The following RBPJ variants were observed in gnomAD, a reference collection of about 807,000 sequenced individuals.
RBPJ encodes recombination signal binding protein for immunoglobulin kappa J region, also known as recombining binding protein suppressor of hairless.
RBPJ carries 9 observed loss-of-function variants against 67.8 expected under a neutral mutation model. The ratio of observed to expected loss-of-function variants is 0.13; its 90% confidence interval spans 0.08 to 0.23. RBPJ has a LOEUF of 0.23. Ranked by LOEUF, RBPJ falls within the 10% of genes least tolerant of loss-of-function variation. RBPJ has a pLI of 1.00. For missense variants in RBPJ, 305 were observed against 595.6 expected, an observed-to-expected ratio of 0.51 and a Z score of 5.08; for synonymous variants, 198 against 203.3, an observed-to-expected ratio of 0.97 and a Z score of 0.22.
At chr4:26,348,774 G>GCT (rs1457013523) in intron 1 of RBPJ, among the ~76,000 whole-genome samples, 1 of 151,898 alleles carries the variant, frequency 6.6e-6, no homozygotes, top group Non-Finnish European at 1.5e-5. Flanking sequence ...CGTGATCATA[G>GCT]CTCACTGCAG....
At chr4:26,325,872 C>T (rs1723577266) in intron 1 of RBPJ, among the ~76,000 whole-genome samples, 1 of 152,166 alleles carries the variant, frequency 6.6e-6, no homozygotes. Context: ...ACCAGATCTA[C>T]CAGACTACAG....
intron 1 of RBPJ, among the ~76,000 whole-genome samples, chr4:26,287,585 A>G (rs745971294): frequency 0.025 from 400 of 15,944 alleles, 43 homozygotes; most frequent in African/African-American, 0.028. Context: ...AAAGGACAGG[A>G]GAGGAGAGGG....
intron 1 of RBPJ, among the ~76,000 whole-genome samples, chr4:26,194,991 C>T (rs17700057): frequency 0.059 from 9,038 of 152,298 alleles, 393 homozygotes; most frequent in South Asian, 0.19. Flanking sequence ...GCTGTCTTTT[C>T]AGGTTTATAC....
chr4:26,181,817 G>A (rs115445891), intron 1 of RBPJ, among the ~76,000 whole-genome samples: 1 of 152,168 alleles, frequency 6.6e-6, no homozygotes, highest in Non-Finnish European at 1.5e-5. Flanking sequence ...CTTGCATAGG[G>A]CACTTACCGG....
intron 1 of RBPJ, among the ~76,000 whole-genome samples, chr4:26,222,284 A>G (rs1190389110): frequency 6.6e-6 from 1 of 152,170 alleles, no homozygotes; most frequent in East Asian, 1.9e-4. Flanking sequence ...ACCTGAGGTC[A>G]GGAGTTCGAG....
At chr4:26,392,418 C>A (rs1731599356) in intron 2 of RBPJ, among the ~76,000 whole-genome samples, 1 of 152,126 alleles carries the variant, frequency 6.6e-6, no homozygotes, top group African/African-American at 2.4e-5. Context: ...CCCCAATATC[C>A]AGCAACAGGT....
At chr4:26,144,724 T>C in the RBPJ span, among the ~76,000 whole-genome samples, 2 of 152,210 alleles carry the variant, frequency 1.3e-5, no homozygotes, top group Non-Finnish European at 2.9e-5. Context: ...CCTCAAGATT[T>C]GTAATATGTT....
the RBPJ span, among the ~76,000 whole-genome samples, chr4:26,145,972 C>T: frequency 1.3e-5 from 2 of 152,174 alleles, no homozygotes; most frequent in African/African-American, 2.4e-5. Context: ...GGATCTCACT[C>T]TGCCACCCAG....
intron 1 of RBPJ, among the ~76,000 whole-genome samples, chr4:26,171,634 C>G (rs916180482): frequency 2.0e-5 from 3 of 152,154 alleles, no homozygotes; most frequent in African/African-American, 7.2e-5. Context: ...CACATTTGAA[C>G]AGGCTTACGA....
chr4:26,189,297 A>G (rs998045404), intron 1 of RBPJ, among the ~76,000 whole-genome samples: 1 of 152,226 alleles, frequency 6.6e-6, no homozygotes, highest in Non-Finnish European at 1.5e-5. Flanking sequence ...TTAATGGAAA[A>G]CAAACTACAT....
At chr4:26,111,558 TA>T in the RBPJ span, among the ~76,000 whole-genome samples, 6 of 152,178 alleles carry the variant, frequency 3.9e-5, no homozygotes, top group African/African-American at 1.4e-4. Context: ...AAAAAAACTC[TA>T]CGATATGCAT....
chr4:26,203,145 C>T (rs116610945), intron 1 of RBPJ, among the ~76,000 whole-genome samples: 4 of 152,276 alleles, frequency 2.6e-5, no homozygotes, highest in South Asian at 4.1e-4. Flanking sequence ...CCAGTCTTAT[C>T]CCCTTAGTCT....
At chr4:26,308,104 G>A (rs1577410761) in intron 1 of RBPJ, among the ~76,000 whole-genome samples, 2 of 152,172 alleles carry the variant, frequency 1.3e-5, no homozygotes, top group Admixed American at 1.3e-4. Context: ...GTGAAACCCC[G>A]TCTCTACTAA....
the RBPJ span, among the ~76,000 whole-genome samples, chr4:26,119,119 T>C: frequency 5.4e-3 from 829 of 152,342 alleles, 5 homozygotes; most frequent in African/African-American, 0.019. Flanking sequence ...AATATCACTG[T>C]GGGTTAAATA....
chr4:26,153,692 C>T, the RBPJ span, among the ~76,000 whole-genome samples: 1 of 152,320 alleles, frequency 6.6e-6, no homozygotes, highest in Non-Finnish European at 1.5e-5. Flanking sequence ...CAGCTCTAGT[C>T]CTTCAACAAA....
intron 1 of RBPJ, among the ~76,000 whole-genome samples, chr4:26,314,240 T>C (rs1722530986): frequency 1.3e-5 from 2 of 152,186 alleles, no homozygotes; most frequent in Admixed American, 1.3e-4. Flanking sequence ...TTTCATTCTA[T>C]GTATAATTTA....
intron 1 of RBPJ, among the ~76,000 whole-genome samples, chr4:26,254,224 A>G (rs1000726462): frequency 7.4e-5 from 11 of 148,912 alleles, no homozygotes; most frequent in Admixed American, 2.0e-4. Context: ...CAGCCCGCTG[A>G]AAACTCTCCA....
chr4:26,161,630 T>C (rs1276203538), upstream of RBPJ, among the ~76,000 whole-genome samples: 1 of 152,168 alleles, frequency 6.6e-6, no homozygotes, highest in East Asian at 1.9e-4. Context: ...CTGCCACCTA[T>C]AGCCAGAAGT....
rs72057919 is a variant in RBPJ, at chr4:26,209,086, CAGA to C, written c.-167+45477_-167+45479del. On this transcript the variant is annotated intron_variant, in intron 1 of 4. Transcript: ENST00000512351. ...AGAAAATGTTTAATAACCAGCATTA[CAGA>C]AGAAAAAAAATATATATATATATAT... Among the ~76,000 whole-genome samples, 347 of 69,782 alleles carry C rather than the reference CAGA, an allele frequency of 5.0e-3. 3 individuals carry two copies. Among genetic ancestry groups the C allele is most frequent in the African/African-American group, 0.024 (337 of 13,786 alleles). The allele number at this position is 69,782 out of a possible 152,430, so 45.8% of individuals were successfully genotyped here.
Sources: allele counts gnomAD v4.1 joint callset (sites outside exome capture counted in the v4.1 genomes callset), GRCh38; gene constraint gnomAD v4.1.1; transcripts MANE v1.5; gene names NCBI Gene and HGNC (gene_info 2026-07-23, HGNC 2026-07-21).